The following POC1A variants were observed in gnomAD, a reference collection of about 807,000 sequenced individuals.
POC1A encodes the protein POC1 centriolar protein A.
In POC1A, 34 loss-of-function variants were observed where a neutral mutation model predicts 47.8. The observed-to-expected ratio is 0.71, with a 90% CI of 0.54 to 0.95. The LOEUF (loss-of-function observed/expected upper bound fraction) is 0.95, where lower values mean the gene tolerates loss of function less well. POC1A is among the 40% of genes least tolerant of loss of function. POC1A has a pLI of 0.00. For missense variants in POC1A, 466 were observed against 528.3 expected (o/e 0.88, Z 1.16); for synonymous variants, 177 against 207.6 (o/e 0.85, Z 1.27).
intron 9 of POC1A, among the ~76,000 whole-genome samples, chr3:52,106,537 T>G (rs1244095124): frequency 1.3e-5 from 2 of 152,068 alleles, no homozygotes; most frequent in African/African-American, 4.8e-5. Flanking sequence ...ATAAAAATCG[T>G]GAAGGGGTTG....
intron 1 of POC1A, among the ~76,000 whole-genome samples, chr3:52,151,891 GAA>G (rs565939669): frequency 7.6e-6 from 1 of 131,782 alleles, no homozygotes; most frequent in Non-Finnish European, 1.7e-5. Context: ...AAGACACCCA[GAA>G]AAAAAAAAAA....
chr3:52,143,127 T>TA (rs1451191147), intron 6 of POC1A, among the ~76,000 whole-genome samples: 2 of 151,414 alleles, frequency 1.3e-5, no homozygotes, highest in Non-Finnish European at 3.0e-5. Context: ...CAATCTACAC[T>TA]AGGGGTGGCT....
chr3:52,129,623 CCT>C (rs2107123963), intron 7 of POC1A, among the ~76,000 whole-genome samples: 1 of 152,332 alleles, frequency 6.6e-6, no homozygotes, highest in South Asian at 2.1e-4. Context: ...CCCTGGTCTC[CCT>C]CTGACTCCAG....
intron 1 of POC1A, among the ~76,000 whole-genome samples, chr3:52,152,862 A>G (rs1698601390): frequency 1.3e-5 from 2 of 152,242 alleles, no homozygotes; most frequent in Admixed American, 6.5e-5. Context: ...TTGCTGCAAC[A>G]TGGATGAACC....
intron 9 of POC1A, among the ~76,000 whole-genome samples, chr3:52,104,216 A>G (rs1703095370): frequency 6.6e-6 from 1 of 152,268 alleles, no homozygotes; most frequent in Admixed American, 6.5e-5. Flanking sequence ...AAACCAGACC[A>G]AAAAGAATAC....
chr3:52,154,314 G>T, intron 1 of POC1A, 41 bp downstream of exon 1: 1 of 1,551,280 alleles, frequency 6.4e-7, no homozygotes, highest in East Asian at 2.5e-5. Flanking sequence ...TGTCCCAGCG[G>T]GGAGACTGAG....
chr3:52,105,166 C>A (rs889966983), intron 9 of POC1A, among the ~76,000 whole-genome samples: 1 of 152,200 alleles, frequency 6.6e-6, no homozygotes, highest in Non-Finnish European at 1.5e-5. Context: ...ACTCACCCTT[C>A]CTGTACAGAC....
At chr3:52,116,733 G>A (rs1408036630) in intron 9 of POC1A, among the ~76,000 whole-genome samples, 3 of 152,138 alleles carry the variant, frequency 2.0e-5, no homozygotes, top group Admixed American at 6.5e-5. Flanking sequence ...TCAGGGAGGG[G>A]AAAAGAACCC....
Position 52,147,208 on chromosome 3 carries a change from A to AC in POC1A, c.456-114dup. The AC allele has an allele frequency of 6.9e-6, 5 of 719,994 alleles. No individual in the cohort carries two copies. In the South Asian group the frequency reaches 8.2e-5, roughly 12 times the overall value. The allele number at this position is 719,994 out of a possible 1,614,324, so 44.6% of individuals were successfully genotyped here. On this transcript the variant is annotated intron_variant, in intron 4 of 10. Coordinates refer to ENST00000296484, the MANE Select transcript of POC1A (RefSeq NM_015426.5). ...TGCCTACTATCTGCCTGCAGGAACCACCCGGGGTCACATGCCCTGCTGTGA... is the reference window on the plus strand; with the variant it reads ...TGCCTACTATCTGCCTGCAGGAACCACCCCGGGGTCACATGCCCTGCTGTGA...
chr3:52,091,269 G>T (rs1290390384), intron 10 of POC1A, among the ~76,000 whole-genome samples: 1 of 152,100 alleles, frequency 6.6e-6, no homozygotes, highest in East Asian at 1.9e-4. Context: ...CGCAGCATGT[G>T]ACGCCCACGC....
chr3:52,149,850 G>T lies in POC1A; in HGVS notation c.241C>A (p.Arg81=). ...ACCCAGATGCGGACAGTCTTGTCTC[G>T]GGAGCCGGAAGCAAGCAGGTGTCCC... ...PSGHLLASGS[R]DKTVRIWVPN... The change falls in exon 3 of 11, where the codon CGA becomes AGA. Residue 81 remains arginine (R), a synonymous_variant. Coordinates refer to ENST00000296484, the MANE Select transcript of POC1A (RefSeq NM_015426.5). The T allele has an allele frequency of 6.2e-7, 1 of 1,613,902 alleles. No individual in the cohort carries two copies.
intron 10 of POC1A, among the ~76,000 whole-genome samples, chr3:52,088,225 C>CA (rs1480596915): frequency 6.6e-6 from 1 of 152,164 alleles, no homozygotes; most frequent in Non-Finnish European, 1.5e-5. Context: ...AAGAAGGGCA[C>CA]AAGCCACCAG....
intron 9 of POC1A, among the ~76,000 whole-genome samples, chr3:52,112,310 C>G (rs942975385): frequency 1.3e-5 from 2 of 152,170 alleles, no homozygotes; most frequent in African/African-American, 4.8e-5. Flanking sequence ...TGCCACCAAG[C>G]CTGGCTGGGC....
intron 9 of POC1A, among the ~76,000 whole-genome samples, chr3:52,122,031 G>A (rs956729265): frequency 6.6e-6 from 1 of 152,124 alleles, no homozygotes; most frequent in Non-Finnish European, 1.5e-5. Context: ...GGAGCCCCAC[G>A]TTTGGGTCCT....
intron 9 of POC1A, among the ~76,000 whole-genome samples, chr3:52,120,708 G>C (rs939412937): frequency 6.6e-6 from 1 of 152,192 alleles, no homozygotes; most frequent in Non-Finnish European, 1.5e-5. Context: ...ACTCCAACGT[G>C]AGTCTGTAGA....
At chr3:52,086,443 G>A (rs769647752) in intron 10 of POC1A, among the ~76,000 whole-genome samples, 6 of 152,202 alleles carry the variant, frequency 3.9e-5, no homozygotes, top group Non-Finnish European at 8.8e-5. Flanking sequence ...CAATAAAAGG[G>A]GAATCTCTTT....
chr3:52,147,025 T>G lies in POC1A; in HGVS notation c.526A>C (p.Ser176Arg). ...DKTVKLWDKS[S>R]RECVHSYCEH... ...CAATACGAGTGGACACATTCCCGGC[T>G]GCTCTTGTCCCACAGCTTAACAGTC... is the stretch of plus-strand genomic sequence containing the variant. Residue 176 changes from serine to arginine, a missense_variant, in exon 5 of 11, where the codon AGC (serine) becomes CGC (arginine). By Grantham distance (110) the Ser-to-Arg change is moderately radical (BLOSUM62 -1). Coordinates refer to ENST00000296484, the MANE Select transcript of POC1A (RefSeq NM_015426.5). 6.2e-7 allele frequency: 1 copy of G among 1,614,158 alleles called. No individual in the cohort carries two copies. Among genetic ancestry groups the G allele is most frequent in the Non-Finnish European group, 8.5e-7 (1 of 1,180,012 alleles).
intron 10 of POC1A, among the ~76,000 whole-genome samples, chr3:52,086,827 G>T (rs1279373757): frequency 6.6e-6 from 1 of 152,248 alleles, no homozygotes; most frequent in Non-Finnish European, 1.5e-5. Flanking sequence ...TGCCAGTGAT[G>T]AGGACAAAGA....
intron 5 of POC1A, among the ~76,000 whole-genome samples, chr3:52,146,608 G>A (rs1559851895): frequency 6.6e-6 from 1 of 152,216 alleles, no homozygotes; most frequent in Non-Finnish European, 1.5e-5. Flanking sequence ...CATCATCATG[G>A]ATAACATACC....
Sources: allele counts gnomAD v4.1 joint callset (sites outside exome capture counted in the v4.1 genomes callset), GRCh38; gene constraint gnomAD v4.1.1; transcripts MANE v1.5; gene names NCBI Gene and HGNC (gene_info 2026-07-23, HGNC 2026-07-21).